Variants in FAM13A observed in about 807,000 individuals in gnomAD.
FAM13A encodes family with sequence similarity 13 member A, also known as protein FAM13A.
FAM13A carries 76 observed loss-of-function variants against 129.6 expected under a neutral mutation model. That is an observed-to-expected ratio of 0.59 (90% CI 0.49 to 0.71). The LOEUF (loss-of-function observed/expected upper bound fraction) is 0.71. Among genes scored for constraint, FAM13A ranks in the 30% least tolerant of loss-of-function variants. The pLI, the probability that FAM13A is intolerant of heterozygous loss-of-function variation, is 0.00. For synonymous variants in FAM13A, 443 were observed against 449.9 expected (o/e 0.98, Z 0.20); for missense variants, 1,108 against 1,249.3 (o/e 0.89, Z 1.70).
chr4:89,023,810 T>C (rs941772638), intron 2 of FAM13A, among the ~76,000 whole-genome samples: 2 of 152,146 alleles, frequency 1.3e-5, no homozygotes, highest in Non-Finnish European at 2.9e-5. Context: ...ATACAGTTTT[T>C]TAAAGCCTCT....
At chr4:88,979,101 T>C (rs9307055) in intron 4 of FAM13A, among the ~76,000 whole-genome samples, 108,435 of 152,106 alleles carry the variant, frequency 0.71, 38,981 homozygotes, top group African/African-American at 0.82. Context: ...TGGGAAAATA[T>C]GCTTTTAAAC....
chr4:88,929,794 G>A (rs1447848182), intron 5 of FAM13A, among the ~76,000 whole-genome samples: 1 of 152,140 alleles, frequency 6.6e-6, no homozygotes, highest in Non-Finnish European at 1.5e-5. Flanking sequence ...CTGGAACACA[G>A]TGGTGCAAAC....
intron 5 of FAM13A, among the ~76,000 whole-genome samples, chr4:88,934,988 G>T (rs1753620629): frequency 6.6e-6 from 1 of 152,184 alleles, no homozygotes; most frequent in African/African-American, 2.4e-5. Flanking sequence ...AGGGACCTAG[G>T]TTCACTCCCA....
At chr4:88,938,272 AC>A (rs756543765) in intron 4 of FAM13A, 31 bp from the exon 5 acceptor site, 10 of 1,569,686 alleles carry the variant, frequency 6.4e-6, no homozygotes, top group Non-Finnish European at 8.7e-6. Context: ...GAGAGGAATT[AC>A]TTAGTAAACA....
rs567820160 is a variant in FAM13A, at chr4:89,037,881, T to G, written c.28-8232A>C. Among the ~76,000 whole-genome samples, 91 of 152,328 alleles carry G rather than the reference T, an allele frequency of 6.0e-4. 1 individual carries two copies. The South Asian group carries it at 0.019, about 31-fold the overall frequency. Reference sequence around the variant, plus strand: ...CTTCCCCTTCGCCTACCACTATGGTTGTAAGTTTCCTCAGGCCTCCCCAGC... The same window carrying G: ...CTTCCCCTTCGCCTACCACTATGGTGGTAAGTTTCCTCAGGCCTCCCCAGC... On this transcript the variant is annotated intron_variant, in intron 1 of 23. Coordinates refer to ENST00000264344, the MANE Select transcript of FAM13A (RefSeq NM_014883.4).
chr4:88,822,636 G>A (rs1031017013), intron 7 of FAM13A, among the ~76,000 whole-genome samples: 1 of 152,150 alleles, frequency 6.6e-6, no homozygotes, highest in Non-Finnish European at 1.5e-5. Flanking sequence ...CAGGAACACT[G>A]CTAAGAAGCG....
rs1373769366 is a variant in FAM13A, at chr4:88,727,959, A to G, written c.*574T>C. ...GCAGCTTCCATCTACCTGAGGGCTG[A>G]AGGGGAAAACCTTTCACACACGTGA... On this transcript the variant is annotated 3_prime_UTR_variant, in exon 24 of 24. Coordinates refer to ENST00000264344, the MANE Select transcript of FAM13A (RefSeq NM_014883.4). 2 of 152,798 alleles carry G rather than the reference A, an allele frequency of 1.3e-5. No individual in the cohort carries two copies. The highest frequency in any genetic ancestry group is 4.8e-5 in the African/African-American group (2 of 41,454). The allele number at this position is 152,798 out of a possible 1,614,324, so 9.5% of individuals were successfully genotyped here.
intron 13 of FAM13A, among the ~76,000 whole-genome samples, chr4:88,765,994 A>G (rs1377124437): frequency 6.6e-6 from 1 of 152,258 alleles, no homozygotes; most frequent in Non-Finnish European, 1.5e-5. Flanking sequence ...GCTGTCCACC[A>G]AAGACCAAGG....
At chr4:88,895,855 A>G (rs1410598036) in intron 6 of FAM13A, among the ~76,000 whole-genome samples, 2 of 138,600 alleles carry the variant, frequency 1.4e-5, no homozygotes, top group African/African-American at 2.8e-5. Flanking sequence ...TGTGGAAGTC[A>G]GTGTGGCGAT....
rs544664125 is a variant in FAM13A, at chr4:88,770,789, T to C, written c.1459-2730A>G. 3.3e-5 allele frequency among the ~76,000 whole-genome samples: 5 copies of C among 152,266 alleles called. No individual in the cohort carries two copies. The East Asian group carries it at 9.7e-4, about 29-fold the overall frequency. On this transcript the variant is annotated intron_variant, in intron 11 of 23. Coordinates refer to ENST00000264344, the MANE Select transcript of FAM13A (RefSeq NM_014883.4). ...AATAGAAAGCTTTGCAAAAAGCAGT[T>C]GTGAGATGTGAGAAAGCTTAGCTGA...
At position 88,766,768 on chromosome 4, in the gene FAM13A, G is replaced by C. The variant is rs547618959; in HGVS notation, c.1578+785C>G. Among the ~76,000 whole-genome samples the C allele has an allele frequency of 8.5e-5, 13 of 152,280 alleles. No homozygotes were observed. The South Asian group carries it at 1.2e-3, about 15-fold the overall frequency. On this transcript the variant is annotated intron_variant, in intron 13 of 23. Coordinates refer to ENST00000264344, the MANE Select transcript of FAM13A (RefSeq NM_014883.4). ...GTGAATTAGGTCAGTGCCCAACAGA[G>C]ACTAAGAATCATTGGGTTAGAGGGA...
Position 88,958,964 on chromosome 4 carries a change from AT to A in FAM13A, c.606-20724del, listed in dbSNP as rs1242792148. ...GATGTGGGACATGAAGTCAAAGGAG[AT>A]TATTTTGGAACTTTACAATTTAATG... On this transcript the variant is annotated intron_variant, in intron 4 of 23. Transcript: ENST00000264344. Among the ~76,000 whole-genome samples, 8 of 152,280 alleles carry A rather than the reference AT, an allele frequency of 5.3e-5. No individual in the cohort carries two copies. In the East Asian group the frequency reaches 1.5e-3, roughly 29 times the overall value.
chr4:89,038,759 T>C (rs1257124966), intron 1 of FAM13A, among the ~76,000 whole-genome samples: 1 of 152,170 alleles, frequency 6.6e-6, no homozygotes, highest in East Asian at 1.9e-4. Context: ...GTAGAATGAA[T>C]GACAATTAGA....
intron 6 of FAM13A, among the ~76,000 whole-genome samples, chr4:88,890,746 A>C (rs572635117): frequency 8.5e-5 from 13 of 152,310 alleles, no homozygotes; most frequent in Admixed American, 3.9e-4. Context: ...TAAAATAGAC[A>C]AATTTCTAGC....
intron 5 of FAM13A, among the ~76,000 whole-genome samples, chr4:88,924,762 C>A (rs1453929772): frequency 6.6e-6 from 1 of 151,398 alleles, no homozygotes; most frequent in Non-Finnish European, 1.5e-5. Context: ...TCAGAGTGAA[C>A]AGGCAACCTA....
intron 10 of FAM13A, among the ~76,000 whole-genome samples, chr4:88,787,069 T>G (rs1012187679): frequency 3.3e-5 from 5 of 152,028 alleles, no homozygotes; most frequent in African/African-American, 1.2e-4. Context: ...CTATATAAAT[T>G]TATTTTCCTT....
At chr4:88,926,042 A>C (rs547410487) in intron 5 of FAM13A, among the ~76,000 whole-genome samples, 3 of 152,184 alleles carry the variant, frequency 2.0e-5, no homozygotes, top group South Asian at 4.1e-4. Context: ...TGGGGGTGAT[A>C]AGAGAGGGAG....
chr4:88,858,036 C>A (rs1250061227), intron 6 of FAM13A, among the ~76,000 whole-genome samples: 1 of 152,180 alleles, frequency 6.6e-6, no homozygotes, highest in Non-Finnish European at 1.5e-5. Context: ...AAATCTGCCA[C>A]TTAAAAATAG....
chr4:89,016,620 T>C (rs1174555028), intron 3 of FAM13A, among the ~76,000 whole-genome samples: 2 of 152,090 alleles, frequency 1.3e-5, no homozygotes, highest in Non-Finnish European at 2.9e-5. Context: ...TTTACGTACC[T>C]TTTCTGTTTT....
Sources: gnomAD v4.1 joint callset for allele counts (sites outside exome capture counted in the v4.1 genomes callset) on GRCh38, gnomAD v4.1.1 for gene constraint, MANE v1.5 for transcripts, NCBI Gene and HGNC (gene_info 2026-07-23, HGNC 2026-07-21) for gene names.